DLC1: variants seen among roughly 807,000 people sequenced by gnomAD.
DLC1 encodes the protein rho GTPase-activating protein 7.
In DLC1, 54 loss-of-function variants were observed where a neutral mutation model predicts 140.3. The observed-to-expected ratio is 0.38, with a 90% CI of 0.31 to 0.48. The LOEUF (loss-of-function observed/expected upper bound fraction) is 0.48, where lower values mean the gene tolerates loss of function less well. Ranked by LOEUF, DLC1 falls within the 20% of genes least tolerant of loss-of-function variation. The pLI is 0.96. For missense variants in DLC1, 2,536 were observed against 1,907.0 expected, an observed-to-expected ratio of 1.33 and a Z score of -6.14; for synonymous variants, 986 against 728.1, an observed-to-expected ratio of 1.35 and a Z score of -5.70.
At chr8:13,573,761 C>CA (rs1446716385) in intron 1 of DLC1, among the ~76,000 whole-genome samples, 2 of 152,192 alleles carry the variant, frequency 1.3e-5, no homozygotes, top group African/African-American at 2.4e-5. Flanking sequence ...CTCACCTTTG[C>CA]ACTCATGATC....
chr8:13,343,121 G>C (rs1834154985), intron 4 of DLC1, among the ~76,000 whole-genome samples: 1 of 152,144 alleles, frequency 6.6e-6, no homozygotes, highest in Non-Finnish European at 1.5e-5. Context: ...GCGCACTTGT[G>C]ACTTCTATAA....
At chr8:13,506,581 G>GTGTGTGTGTGTATATATATATATA (rs1246764417) in intron 1 of DLC1, among the ~76,000 whole-genome samples, 11 of 131,128 alleles carry the variant, frequency 8.4e-5, no homozygotes, top group South Asian at 7.6e-4. Context: ...GTGTGTGTGT[G>GTGTGTGTGTGTATATATATATATA]TATATATATA....
At chr8:13,272,628 G>T (rs950690444) in intron 5 of DLC1, among the ~76,000 whole-genome samples, 6 of 152,106 alleles carry the variant, frequency 3.9e-5, no homozygotes, top group Non-Finnish European at 7.4e-5. Context: ...TTGGGAGGCC[G>T]AGGCAGTCGG....
chr8:13,557,224 T>A (rs1041223960), intron 1 of DLC1, among the ~76,000 whole-genome samples: 2 of 152,134 alleles, frequency 1.3e-5, no homozygotes, highest in African/African-American at 4.8e-5. Context: ...CTTTTTTTTT[T>A]ATTCGTACTC....
intron 5 of DLC1, among the ~76,000 whole-genome samples, chr8:13,243,282 C>G (rs1172353193): frequency 1.0e-5 from 1 of 99,870 alleles, no homozygotes. Context: ...AAGAGTGAGA[C>G]TCTGTCTCAA....
chr8:13,103,996 A>G (rs547353293), intron 7 of DLC1, among the ~76,000 whole-genome samples: 5 of 152,326 alleles, frequency 3.3e-5, no homozygotes, highest in African/African-American at 1.2e-4. Context: ...AATTTAAAAA[A>G]TTAGTTTTAG....
At chr8:13,457,721 C>G (rs1799473026) in intron 2 of DLC1, among the ~76,000 whole-genome samples, 1 of 144,724 alleles carries the variant, frequency 6.9e-6, no homozygotes, top group Admixed American at 6.9e-5. Flanking sequence ...ACAGTACACA[C>G]AATCCCTTCT....
intron 2 of DLC1, among the ~76,000 whole-genome samples, chr8:13,462,398 T>C (rs925066523): frequency 3.2e-5 from 4 of 126,948 alleles, no homozygotes; most frequent in African/African-American, 1.4e-4. Flanking sequence ...TTACTATTCT[T>C]TTTTTTTTTT....
intron 5 of DLC1, among the ~76,000 whole-genome samples, chr8:13,178,631 C>T (rs1006252373): frequency 2.2e-5 from 3 of 136,688 alleles, no homozygotes; most frequent in Admixed American, 1.5e-4. Flanking sequence ...CCAAAGACAC[C>T]ATTAAGAGAG....
intron 3 of DLC1, among the ~76,000 whole-genome samples, chr8:13,400,229 T>C (rs975279474): frequency 2.0e-4 from 31 of 152,252 alleles, no homozygotes; most frequent in African/African-American, 7.5e-4. Context: ...GAGTCTAGTA[T>C]AAGGGGAAGG....
chr8:13,568,660 A>G (rs755256745), intron 1 of DLC1, among the ~76,000 whole-genome samples: 3 of 152,166 alleles, frequency 2.0e-5, no homozygotes, highest in Non-Finnish European at 4.4e-5. Flanking sequence ...AGAAAAATAA[A>G]CCTGCAGAAA....
intron 1 of DLC1, among the ~76,000 whole-genome samples, chr8:13,584,769 G>A (rs552142796): frequency 6.6e-6 from 1 of 152,108 alleles, no homozygotes; most frequent in Non-Finnish European, 1.5e-5. Context: ...AAAACTTTTC[G>A]CTGGTTCAAC....
intron 2 of DLC1, among the ~76,000 whole-genome samples, chr8:13,419,536 A>T (rs1838216184): frequency 6.6e-6 from 1 of 152,184 alleles, no homozygotes; most frequent in Non-Finnish European, 1.5e-5. Context: ...GCGTATATTG[A>T]ACCACCTGGC....
At chr8:13,186,872 C>G (rs768471320) in intron 5 of DLC1, among the ~76,000 whole-genome samples, 284 of 152,266 alleles carry the variant, frequency 1.9e-3, no homozygotes, top group Non-Finnish European at 2.7e-3. Flanking sequence ...GATGCTATTC[C>G]TTTCTGTTTG....
At chr8:13,150,056 C>G (rs1022271474) in intron 5 of DLC1, among the ~76,000 whole-genome samples, 1 of 152,164 alleles carries the variant, frequency 6.6e-6, no homozygotes, top group African/African-American at 2.4e-5. Context: ...GCCCATAAAA[C>G]CGACACCACT....
chr8:13,333,980 T>C (rs1363155765), intron 4 of DLC1, among the ~76,000 whole-genome samples: 1 of 152,168 alleles, frequency 6.6e-6, no homozygotes, highest in African/African-American at 2.4e-5. Flanking sequence ...AGGCTGACCT[T>C]CCAGTGGGGA....
intron 2 of DLC1, among the ~76,000 whole-genome samples, chr8:13,480,899 G>A (rs868076109): frequency 2.0e-5 from 3 of 151,978 alleles, no homozygotes; most frequent in Admixed American, 6.6e-5. Context: ...GCCAGACTCC[G>A]TCTCAAAATA....
chr8:13,133,316 C>G, intron 5 of DLC1: 1 of 1,202,152 alleles, frequency 8.3e-7, no homozygotes, highest in Non-Finnish European at 1.0e-6. Context: ...GCCAGCCGGG[C>G]CCTCCCGCTG....
chr8:13,197,406 T>C (rs1052278390), intron 5 of DLC1, among the ~76,000 whole-genome samples: 3 of 152,108 alleles, frequency 2.0e-5, no homozygotes, highest in African/African-American at 7.2e-5. Flanking sequence ...TGGAGTGCAG[T>C]GGCGTGATCT....
Sources: allele counts gnomAD v4.1 joint callset (sites outside exome capture counted in the v4.1 genomes callset), GRCh38; gene constraint gnomAD v4.1.1; transcripts MANE v1.5; gene names NCBI Gene and HGNC (gene_info 2026-07-23, HGNC 2026-07-21).